The following ADCY6 variants were observed in gnomAD, a reference collection of about 807,000 sequenced individuals.
The protein encoded by ADCY6 is adenylate cyclase 6.
A neutral mutation model predicts 111.6 loss-of-function variants in ADCY6; 59 were observed. The ratio of observed to expected loss-of-function variants is 0.53; its 90% CI spans 0.43 to 0.66. The LOEUF is 0.66. ADCY6 is among the 30% of genes least tolerant of loss of function. ADCY6 has a pLI of 0.00. For synonymous variants in ADCY6, 576 were observed against 642.9 expected, an observed-to-expected ratio of 0.90 and a Z score of 1.57; for missense variants, 1,242 against 1,595.6, an observed-to-expected ratio of 0.78 and a Z score of 3.78.
Position 48,776,661 on chromosome 12 carries a change from C to T in ADCY6, c.1377-75G>A. The T allele has an allele frequency of 6.6e-7, 1 of 1,522,162 alleles. No individual in the cohort carries two copies. The highest frequency in any genetic ancestry group is 8.8e-7 in the Non-Finnish European group (1 of 1,136,408). The allele number at this position is 1,522,162 out of a possible 1,614,324, so 94.3% of individuals were successfully genotyped here. A position where few individuals can be genotyped will look rare whatever the true frequency, so the allele number is the denominator to read the frequency against. On this transcript the variant is annotated intron_variant, in intron 6 of 21. Transcript: ENST00000357869. The surrounding 1 kb of genome is among the most constrained non-coding windows in gnomAD (Gnocchi z 6.1). Reference sequence around the variant, plus strand: ...AGCCCACAACCCAGGCCCTTCACTCCTCTCAGGGCCCAGCGGGCAAGGACA... The same window carrying T: ...AGCCCACAACCCAGGCCCTTCACTCTTCTCAGGGCCCAGCGGGCAAGGACA...
chr12:48,776,407 C>CA lies in ADCY6; in HGVS notation c.1535+20dup, dbSNP rs779348465. Reference sequence around the variant, plus strand: ...TCTCCCACCTTGCCCCCATCCCCCCCACCTGGACCCCCCTACTCACCCAGC... The same window carrying CA: ...TCTCCCACCTTGCCCCCATCCCCCCCAACCTGGACCCCCCTACTCACCCAGC... On this transcript the variant is annotated intron_variant, in intron 7 of 21. Transcript: ENST00000357869. The surrounding 1 kb of genome is among the most constrained non-coding windows in gnomAD (Gnocchi z 6.1). The CA allele has an allele frequency of 6.2e-7, 1 of 1,612,474 alleles. No homozygotes were observed. The highest frequency in any genetic ancestry group is 8.5e-7 in the Non-Finnish European group (1 of 1,178,982).
At chr12:48,779,052 A>G (rs1941780992) in intron 2 of ADCY6, among the ~76,000 whole-genome samples, 1 of 151,172 alleles carries the variant, frequency 6.6e-6, no homozygotes. Flanking sequence ...TAATTTTTGT[A>G]TATTTTTTTA....
chr12:48,769,586 TTTC>T (rs1941471792), intron 20 of ADCY6, among the ~76,000 whole-genome samples: 1 of 150,620 alleles, frequency 6.6e-6, no homozygotes, highest in South Asian at 2.1e-4. Flanking sequence ...CATCCTTTCT[TTTC>T]TTTTTTTTTT....
At chr12:48,773,853 C>T (rs1941620737) in intron 15 of ADCY6, 87 bp downstream of exon 15, 2 of 1,535,106 alleles carry the variant, frequency 1.3e-6, no homozygotes, top group Non-Finnish European at 1.8e-6. Flanking sequence ...GTTCCTGGGT[C>T]CCCAGCGCCC....
At chr12:48,772,071 G>C in intron 18 of ADCY6, 98 bp from the exon 19 acceptor site, 1 of 1,487,276 alleles carries the variant, frequency 6.7e-7, no homozygotes, top group Non-Finnish European at 8.9e-7. Context: ...ATCACATAGA[G>C]AAAGAAAGGC....
Position 48,771,496 on chromosome 12 carries a change from C to T in ADCY6, c.3051+214G>A. ...GATCAAGTCCTCCCCTGCTCCCCAA[C>T]AGTGATGACCCTGCCCCACTAGGGC... is the stretch of plus-strand genomic sequence containing the variant. On this transcript the variant is annotated intron_variant, in intron 19 of 21. Transcript: ENST00000357869. The surrounding 1 kb of genome is among the most constrained non-coding windows in gnomAD (Gnocchi z 4.3). 2 of 717,584 alleles carry T rather than the reference C, an allele frequency of 2.8e-6. No individual in the cohort carries two copies. Among genetic ancestry groups the T allele is most frequent in the East Asian group, 2.7e-5 (1 of 36,542 alleles). The allele number at this position is 717,584 out of a possible 1,614,324, so 44.5% of individuals were successfully genotyped here.
At chr12:48,770,390 T>C (rs1941503622) in intron 20 of ADCY6, among the ~76,000 whole-genome samples, 1 of 152,084 alleles carries the variant, frequency 6.6e-6, no homozygotes, top group African/African-American at 2.4e-5. Context: ...ACCAGTTCAT[T>C]TGAGAGGAAA....
At chr12:48,781,719 AGAGGT>A (rs1323841273) in intron 2 of ADCY6, among the ~76,000 whole-genome samples, 1 of 152,176 alleles carries the variant, frequency 6.6e-6, no homozygotes, top group Non-Finnish European at 1.5e-5. Context: ...TAAGGCTGGG[AGAGGT>A]GAGGCTAGTT....
chr12:48,785,624 A>T (rs1438359149), intron 1 of ADCY6, among the ~76,000 whole-genome samples: 1 of 152,212 alleles, frequency 6.6e-6, no homozygotes, highest in Admixed American at 6.5e-5. Flanking sequence ...CATCTCAAAA[A>T]ATAAAATAAT....
chr12:48,777,497 G>A lies in ADCY6; in HGVS notation c.1161C>T (p.Gly387=). Residue 387 remains glycine (G), a synonymous_variant, in exon 5 of 22, where the codon GGC becomes GGT. Transcript: ENST00000357869. The surrounding 1 kb of genome is among the most constrained non-coding windows in gnomAD (Gnocchi z 4.9). ...NVSILFADIE[G]FTSLASQCTA... ...TGCACTGGGATGCCAGGCTGGTGAA[G>A]CCCTCAATGTCTGCAAACAGGATGC... 2 of 1,614,230 alleles carry A rather than the reference G, an allele frequency of 1.2e-6. No homozygotes were observed. The highest frequency in any genetic ancestry group is 1.7e-6 in the Non-Finnish European group (2 of 1,180,038).
intron 20 of ADCY6, among the ~76,000 whole-genome samples, chr12:48,769,427 A>C (rs1941466521): frequency 2.0e-5 from 3 of 151,266 alleles, no homozygotes. Context: ...AAAAAAAAAA[A>C]AAAAAAACCC....
chr12:48,776,687 G>C lies in ADCY6; in HGVS notation c.1377-101C>G. On this transcript the variant is annotated intron_variant, in intron 6 of 21. Transcript: ENST00000357869. This position sits in a 1 kb window ranked among gnomAD's most constrained non-coding sequence, Gnocchi z 6.1. ...TCTCAGGGCCCAGCGGGCAAGGACA[G>C]ACCCAGATGCAGGGGACGGGAGCAC... The C allele has an allele frequency of 7.0e-7, 1 of 1,432,834 alleles. No individual in the cohort carries two copies. Among genetic ancestry groups the C allele is most frequent in the Non-Finnish European group, 9.3e-7 (1 of 1,077,816 alleles). 88.8% of individuals were successfully genotyped at this position (1,432,834 alleles called of 1,614,324 possible).
intron 20 of ADCY6, among the ~76,000 whole-genome samples, chr12:48,770,043 G>A (rs1941491181): frequency 6.6e-6 from 1 of 150,710 alleles, no homozygotes; most frequent in African/African-American, 2.4e-5. Context: ...TTACAGGCGT[G>A]AGCCACTGCG....
At chr12:48,779,147 G>T (rs1941783647) in intron 2 of ADCY6, among the ~76,000 whole-genome samples, 1 of 151,968 alleles carries the variant, frequency 6.6e-6, no homozygotes, top group Admixed American at 6.6e-5. Context: ...TTCCCAAAGT[G>T]CTTACGGGCA....
At chr12:48,786,081 C>A (rs1460578583) in intron 1 of ADCY6, among the ~76,000 whole-genome samples, 2 of 152,168 alleles carry the variant, frequency 1.3e-5, no homozygotes, top group East Asian at 3.9e-4. Context: ...ACAGAGTACC[C>A]TGAGGGGTCC....
rs377222388 is a variant in ADCY6 at position 48,774,731 on chromosome 12, A to C, written c.2126T>G (p.Leu709Arg). ...CACAGCACAGATCAGCACGGTGATT[A>C]GCAGCAGCAGGAAGATGCTGGCATA... ...GIYASIFLLL[L>R]ITVLICAVYS... Residue 709 changes from leucine to arginine, a missense_variant, in exon 13 of 22, where the codon CTA becomes CGA. Physicochemically the swap from Leu to Arg is moderately radical, Grantham distance 102. Around this residue, in one of 4 missense-constraint regions of ADCY6, gnomAD observed 375 missense variants for 432.5 expected, o/e 0.87. Coordinates refer to ENST00000357869, the MANE Select transcript of ADCY6 (RefSeq NM_015270.5). 1 of 1,614,152 alleles carries C rather than the reference A, an allele frequency of 6.2e-7. No homozygotes were observed. The highest frequency in any genetic ancestry group is 1.7e-5 in the Admixed American group (1 of 60,014).
At chr12:48,787,809 C>T (rs1942007463) in intron 1 of ADCY6, among the ~76,000 whole-genome samples, 1 of 152,158 alleles carries the variant, frequency 6.6e-6, no homozygotes, top group African/African-American at 2.4e-5. Context: ...TTCAGCCTGG[C>T]AGGCCCAGGC....
At chr12:48,780,456 G>A (rs1388196602) in intron 2 of ADCY6, among the ~76,000 whole-genome samples, 2 of 152,208 alleles carry the variant, frequency 1.3e-5, no homozygotes, top group Admixed American at 1.3e-4. Context: ...CAGCCCAGAG[G>A]AAGTTGTATG....
chr12:48,772,094 G>A (rs1941564409), intron 18 of ADCY6, 121 bp from the exon 19 acceptor site: 3 of 1,432,374 alleles, frequency 2.1e-6, no homozygotes, highest in Non-Finnish European at 2.8e-6. Flanking sequence ...AGACAGATGA[G>A]GCCTAAAGAA....
Sources: gnomAD v4.1 joint callset for allele counts (sites outside exome capture counted in the v4.1 genomes callset) on GRCh38, gnomAD v4.1.1 for gene constraint, gnomAD v4.1.1 regional missense constraint, Gnocchi (gnomAD v3.1) non-coding constraint, MANE v1.5 for transcripts, NCBI Gene and HGNC (gene_info 2026-07-23, HGNC 2026-07-21) for gene names.